The following CEP128 variants were observed in gnomAD, a reference collection of about 807,000 sequenced individuals.
CEP128 encodes centrosomal protein 128kDa.
In CEP128, 132 loss-of-function variants were observed where a neutral mutation model predicts 156.7. The observed-to-expected ratio is 0.84, with a 90% CI of 0.73 to 0.97. The LOEUF (loss-of-function observed/expected upper bound fraction) is 0.97. Ranked by LOEUF, CEP128 falls within the 50% of genes least tolerant of loss-of-function variation. The pLI, the probability that CEP128 is intolerant of heterozygous loss-of-function variation, is 0.00. For synonymous variants in CEP128, 469 were observed against 448.9 expected, an observed-to-expected ratio of 1.04 and a Z score of -0.57; for missense variants, 1,252 against 1,281.9, an observed-to-expected ratio of 0.98 and a Z score of 0.36.
At chr14:80,699,674 GA>G (rs1328411602) in intron 19 of CEP128, among the ~76,000 whole-genome samples, 6 of 148,478 alleles carry the variant, frequency 4.0e-5, no homozygotes, top group Admixed American at 1.3e-4. Context: ...TATTAAACCT[GA>G]ACAAACGTTT....
At chr14:80,529,890 C>T (rs1419359683) in intron 22 of CEP128, among the ~76,000 whole-genome samples, 1 of 152,182 alleles carries the variant, frequency 6.6e-6, no homozygotes, top group Admixed American at 6.5e-5. Context: ...CCAAAAGATG[C>T]TTAATGCAAG....
chr14:80,605,810 T>C (rs920423076), intron 19 of CEP128, among the ~76,000 whole-genome samples: 2 of 152,054 alleles, frequency 1.3e-5, no homozygotes, highest in African/African-American at 2.4e-5. Flanking sequence ...ATATGAAGGT[T>C]TGGGATTTTA....
At chr14:80,516,082 G>A (rs1888473549) in intron 23 of CEP128, among the ~76,000 whole-genome samples, 1 of 152,104 alleles carries the variant, frequency 6.6e-6, no homozygotes, top group African/African-American at 2.4e-5. Flanking sequence ...TAGCCAGGCT[G>A]GTCTTGAATT....
rs1403800188 is a variant in CEP128 at position 80,908,212 on chromosome 14, A to C, written c.235-2131T>G. On this transcript the variant is annotated intron_variant, in intron 4 of 24. Transcript: ENST00000555265. Reference sequence around the variant, plus strand: ...GACCCACAGAGATCACAAAATCCATAGCTTAATAAATTTCATATGTTGTAA... The same window carrying C: ...GACCCACAGAGATCACAAAATCCATCGCTTAATAAATTTCATATGTTGTAA... 2.2e-4 allele frequency among the ~76,000 whole-genome samples: 33 copies of C among 152,100 alleles called. 2 individuals are homozygous for C. The highest frequency in any genetic ancestry group is 2.2e-3 in the Admixed American group (33 of 15,278).
intron 2 of CEP128, among the ~76,000 whole-genome samples, chr14:80,935,977 G>A (rs1885785087): frequency 6.6e-6 from 1 of 152,116 alleles, no homozygotes. Flanking sequence ...CTTACACACA[G>A]ACATCTCTAT....
intron 18 of CEP128, among the ~76,000 whole-genome samples, chr14:80,751,827 C>T (rs1011419026): frequency 6.6e-6 from 1 of 151,994 alleles, no homozygotes; most frequent in African/African-American, 2.4e-5. Context: ...ATGGTGGTTT[C>T]GTCATGTTGG....
At chr14:80,937,225 G>A (rs1217311488) in intron 2 of CEP128, among the ~76,000 whole-genome samples, 2 of 152,142 alleles carry the variant, frequency 1.3e-5, no homozygotes, top group Non-Finnish European at 2.9e-5. Flanking sequence ...GGAGGCTGAT[G>A]TGAGAGGATT....
At chr14:80,954,194 T>A (rs1428955401) in intron 2 of CEP128, among the ~76,000 whole-genome samples, 2 of 151,646 alleles carry the variant, frequency 1.3e-5, no homozygotes, top group African/African-American at 4.8e-5. Context: ...TGCTTGAACC[T>A]CGGAGGCAAA....
At chr14:80,758,051 C>T (rs188431774) in intron 17 of CEP128, among the ~76,000 whole-genome samples, 69 of 152,288 alleles carry the variant, frequency 4.5e-4, no homozygotes, top group African/African-American at 1.3e-3. Flanking sequence ...GATTAGAATA[C>T]ACTTTTATTA....
At chr14:80,831,113 T>C in intron 13 of CEP128, 30 bp downstream of exon 13, 1 of 1,600,892 alleles carries the variant, frequency 6.2e-7, no homozygotes, top group Non-Finnish European at 8.6e-7. Context: ...TTAAAATATT[T>C]CGAATATGAC....
At chr14:80,496,231 T>C (rs542932924), downstream of CEP128, among the ~76,000 whole-genome samples, 6 of 152,194 alleles carry the variant, frequency 3.9e-5, no homozygotes, top group Admixed American at 6.5e-5. Flanking sequence ...TAAAAGATTT[T>C]TGAAATGCAT....
chr14:80,522,912 G>A (rs1190168543), intron 23 of CEP128, among the ~76,000 whole-genome samples: 1 of 152,250 alleles, frequency 6.6e-6, no homozygotes, highest in African/African-American at 2.4e-5. Flanking sequence ...GCGTTGTCCA[G>A]TTAGCTTGGT....
chr14:80,542,771 T>C (rs1313284549), intron 21 of CEP128, among the ~76,000 whole-genome samples: 1 of 152,126 alleles, frequency 6.6e-6, no homozygotes, highest in Non-Finnish European at 1.5e-5. Flanking sequence ...AAGTAGGTAA[T>C]CACATTTGTC....
chr14:80,766,557 G>C (rs1900249929), intron 16 of CEP128, among the ~76,000 whole-genome samples: 1 of 152,038 alleles, frequency 6.6e-6, no homozygotes, highest in African/African-American at 2.4e-5. Context: ...TTTGGTAAAA[G>C]GTTATGAGAT....
chr14:80,595,541 T>C (rs1892276690), intron 19 of CEP128, among the ~76,000 whole-genome samples: 1 of 152,212 alleles, frequency 6.6e-6, no homozygotes, highest in Admixed American at 6.5e-5. Context: ...TTTGATGATA[T>C]GGTGGTATCA....
chr14:80,726,977 A>G (rs897967765), intron 19 of CEP128, among the ~76,000 whole-genome samples: 2 of 152,190 alleles, frequency 1.3e-5, no homozygotes, highest in African/African-American at 4.8e-5. Context: ...TGCATACAAA[A>G]TTGTTAATGA....
intron 13 of CEP128, among the ~76,000 whole-genome samples, chr14:80,806,684 AT>A (rs1313406317): frequency 1.3e-5 from 2 of 152,220 alleles, no homozygotes; most frequent in Admixed American, 6.5e-5. Flanking sequence ...CAACTTGGTT[AT>A]ACATTTGCTA....
At chr14:80,789,801 T>C (rs1388883330) in intron 14 of CEP128, among the ~76,000 whole-genome samples, 2 of 150,648 alleles carry the variant, frequency 1.3e-5, no homozygotes, top group African/African-American at 4.9e-5. Flanking sequence ...CAAAGTATTA[T>C]ATACGCAGTT....
intron 13 of CEP128, among the ~76,000 whole-genome samples, chr14:80,817,548 A>C (rs1308427103): frequency 6.6e-6 from 1 of 152,172 alleles, no homozygotes; most frequent in Non-Finnish European, 1.5e-5. Flanking sequence ...TTTTTGAAAA[A>C]CAAAAATTCT....
Sources: gnomAD v4.1 joint callset for allele counts (sites outside exome capture counted in the v4.1 genomes callset) on GRCh38, gnomAD v4.1.1 for gene constraint, MANE v1.5 for transcripts, NCBI Gene and HGNC (gene_info 2026-07-23, HGNC 2026-07-21) for gene names.